CDH23: variants seen among roughly 807,000 people sequenced by gnomAD.
The protein encoded by CDH23 is cadherin related 23.
CDH23 carries 189 observed loss-of-function variants against 317.1 expected under a neutral mutation model. The ratio of observed to expected loss-of-function variants is 0.60; its 90% confidence interval spans 0.53 to 0.67. The LOEUF is 0.67. Among genes scored for constraint, CDH23 ranks in the 30% least tolerant of loss-of-function variants. CDH23 has a pLI of 0.00. For synonymous variants in CDH23, 1,839 were observed against 1,876.8 expected, an observed-to-expected ratio of 0.98 and a Z score of 0.52; for missense variants, 4,401 against 4,592.4, an observed-to-expected ratio of 0.96 and a Z score of 1.20.
intron 55 of CDH23, among the ~76,000 whole-genome samples, chr10:71,804,397 C>T (rs1841649633): frequency 1.3e-5 from 2 of 152,176 alleles, no homozygotes; most frequent in Admixed American, 1.3e-4. Flanking sequence ...TCTGCTCTCC[C>T]CCTTTCTTCT....
chr10:71,722,659 G>A (rs1194487523), intron 28 of CDH23, among the ~76,000 whole-genome samples: 4 of 152,224 alleles, frequency 2.6e-5, no homozygotes, highest in Non-Finnish European at 5.9e-5. Context: ...GGACATTGGA[G>A]TGGGGGCTAT....
At chr10:71,776,782 AGAAACAC>A (rs2132924091) in intron 38 of CDH23, among the ~76,000 whole-genome samples, 1 of 152,324 alleles carries the variant, frequency 6.6e-6, no homozygotes, top group African/African-American at 2.4e-5. Flanking sequence ...GGAGTGTGGA[AGAAACAC>A]CCCCGCCTCT....
intron 3 of CDH23, among the ~76,000 whole-genome samples, chr10:71,509,078 G>A (rs573295853): frequency 6.6e-6 from 1 of 152,288 alleles, no homozygotes; most frequent in East Asian, 1.9e-4. Context: ...CTCAGGCCAG[G>A]GCTTTGCTTC....
intron 9 of CDH23, among the ~76,000 whole-genome samples, chr10:71,591,425 G>T (rs912980590): frequency 6.6e-6 from 1 of 152,040 alleles, no homozygotes; most frequent in South Asian, 2.1e-4. Context: ...AACTGGGCTC[G>T]TGTCCCCACT....
intron 28 of CDH23, among the ~76,000 whole-genome samples, chr10:71,719,234 C>G (rs1342800194): frequency 2.0e-5 from 3 of 152,240 alleles, no homozygotes; most frequent in African/African-American, 7.2e-5. Context: ...CACCCGGCTA[C>G]TGACCAACCA....
intron 36 of CDH23, among the ~76,000 whole-genome samples, 192 bp downstream of exon 36, chr10:71,739,964 A>C (rs1011443783): frequency 4.6e-5 from 7 of 152,128 alleles, no homozygotes; most frequent in Non-Finnish European, 1.0e-4. Context: ...GGATAGGGAA[A>C]CCTGGGAGGG....
At chr10:71,438,953 C>A (rs1262986928) in intron 1 of CDH23, among the ~76,000 whole-genome samples, 1 of 152,174 alleles carries the variant, frequency 6.6e-6, no homozygotes, top group African/African-American at 2.4e-5. Flanking sequence ...TGTGGTCCCC[C>A]TGGTGTCACT....
At chr10:71,787,521 T>C (rs1245263806) in intron 44 of CDH23, among the ~76,000 whole-genome samples, 1 of 148,180 alleles carries the variant, frequency 6.7e-6, no homozygotes, top group Non-Finnish European at 1.5e-5. Flanking sequence ...AAATAATTTT[T>C]CAACCCTCAC....
chr10:71,481,424 A>G (rs1338864053), intron 3 of CDH23, among the ~76,000 whole-genome samples: 2 of 152,064 alleles, frequency 1.3e-5, no homozygotes, highest in Non-Finnish European at 2.9e-5. Flanking sequence ...GTGGGGGGAA[A>G]GGCAGGAGAC....
chr10:71,797,603 C>T (rs1413151901), intron 49 of CDH23, among the ~76,000 whole-genome samples: 1 of 152,184 alleles, frequency 6.6e-6, no homozygotes, highest in Non-Finnish European at 1.5e-5. Flanking sequence ...ACCCTATGAT[C>T]TTATAGGAAG....
intron 3 of CDH23, among the ~76,000 whole-genome samples, chr10:71,455,217 C>T (rs1301482858): frequency 6.6e-6 from 1 of 152,080 alleles, no homozygotes; most frequent in Non-Finnish European, 1.5e-5. Flanking sequence ...TACAGAGTTC[C>T]CATATACCCT....
rs1852149696 is a variant in CDH23, at chr10:71,482,979, TC to T, written c.146-27102del. ...CTCCAGCAGGAATTGATCATGTGGG[TC>T]TTGGTACAAAGGACATTGAGAGGTG... On this transcript the variant is annotated intron_variant, in intron 3 of 69. Transcript: ENST00000224721. 2.6e-5 allele frequency among the ~76,000 whole-genome samples: 4 copies of T among 152,176 alleles called. No individual in the cohort carries two copies. In the South Asian group the frequency reaches 8.3e-4, roughly 32 times the overall value.
At chr10:71,799,426 T>C (rs372856298) in intron 51 of CDH23, 66 bp from the exon 52 acceptor site, 14 of 1,610,928 alleles carry the variant, frequency 8.7e-6, no homozygotes, top group South Asian at 6.6e-5. Flanking sequence ...CAGTGAGTTC[T>C]AGGGCTGTGC....
chr10:71,703,569 G>A (rs955909148), intron 24 of CDH23, among the ~76,000 whole-genome samples: 5 of 152,214 alleles, frequency 3.3e-5, no homozygotes, highest in African/African-American at 7.2e-5. Context: ...TGTCGGTCAC[G>A]AGGGCTTATA....
intron 38 of CDH23, chr10:71,742,169 C>T (rs922699395): frequency 5.5e-6 from 3 of 549,726 alleles, no homozygotes; most frequent in Non-Finnish European, 3.2e-6. Flanking sequence ...CTGTTTAGTC[C>T]TCTTTTCTCT....
At chr10:71,526,407 T>A (rs1331171164) in intron 6 of CDH23, among the ~76,000 whole-genome samples, 2 of 152,170 alleles carry the variant, frequency 1.3e-5, no homozygotes, top group Non-Finnish European at 2.9e-5. Context: ...CGTTTCTGAG[T>A]TATCTGTCTG....
chr10:71,592,234 C>T (rs558781948), intron 9 of CDH23, among the ~76,000 whole-genome samples: 2 of 152,288 alleles, frequency 1.3e-5, no homozygotes, highest in Admixed American at 6.5e-5. Context: ...ACATTCTGAG[C>T]TGACCCTCCT....
At chr10:71,548,304 G>C (rs79985517) in intron 6 of CDH23, among the ~76,000 whole-genome samples, 1 of 152,238 alleles carries the variant, frequency 6.6e-6, no homozygotes, top group South Asian at 2.1e-4. Flanking sequence ...GTGGAGGGGG[G>C]TGATGGCATA....
chr10:71,811,863 A>G (rs1209594211), intron 65 of CDH23, 92 bp from the exon 66 acceptor site: 2 of 1,592,264 alleles, frequency 1.3e-6, no homozygotes, highest in East Asian at 2.3e-5. Flanking sequence ...GCCCAGGACC[A>G]TGCCCCGCAC....
Sources: allele counts gnomAD v4.1 joint callset (sites outside exome capture counted in the v4.1 genomes callset), GRCh38; gene constraint gnomAD v4.1.1; transcripts MANE v1.5; gene names NCBI Gene and HGNC (gene_info 2026-07-23, HGNC 2026-07-21).